The following BAX variants were observed in gnomAD, a reference collection of about 807,000 sequenced individuals.
BAX encodes the protein BCL2 associated X, apoptosis regulator.
A neutral mutation model predicts 26.8 loss-of-function variants in BAX; 21 were observed. The ratio of observed to expected loss-of-function variants is 0.78; its 90% CI spans 0.56 to 1.13. The LOEUF (loss-of-function observed/expected upper bound fraction) is 1.13. Ranked by LOEUF, BAX falls within the 50% of genes most tolerant of loss-of-function variation. The pLI is 0.00. For missense variants in BAX, 236 were observed against 254.6 expected (o/e 0.93, Z 0.50); for synonymous variants, 110 against 101.8 (o/e 1.08, Z -0.49).
At chr19:48,960,172 T>C (rs2038300479) in intron 4 of BAX, 1 of 429,336 alleles carries the variant, frequency 2.3e-6, no homozygotes, top group Admixed American at 2.6e-5. Context: ...AGTAACATTA[T>C]CTTGTTTACA....
At chr19:48,955,044 G>A in intron 1 of BAX, 82 bp downstream of exon 1, 5 of 1,232,890 alleles carry the variant, frequency 4.1e-6, no homozygotes, top group Non-Finnish European at 5.1e-6. Flanking sequence ...GCCTGGGGCT[G>A]TGCGATCTCC....
chr19:48,955,456 C>G (rs2038086052), intron 1 of BAX, 92 bp from the exon 2 acceptor site: 3 of 1,437,124 alleles, frequency 2.1e-6, no homozygotes, highest in African/African-American at 2.9e-5. Context: ...GTCCCCAGCT[C>G]TGTCCTCCCT....
At chr19:48,961,379 G>A (rs1005832906) in intron 5 of BAX, 153 bp from the exon 6 acceptor site, 5 of 1,203,212 alleles carry the variant, frequency 4.2e-6, no homozygotes, top group Non-Finnish European at 5.7e-6. Flanking sequence ...GAGCCACCAT[G>A]CCTGGCCTGA....
intron 3 of BAX, 112 bp downstream of exon 3, chr19:48,955,945 C>T (rs2038111818): frequency 3.7e-6 from 5 of 1,356,004 alleles, no homozygotes; most frequent in Non-Finnish European, 4.9e-6. Context: ...GGCCCCACAA[C>T]TCAGCGCAAA....
chr19:48,961,725 T>A lies in BAX; in HGVS notation c.*89T>A. 3 of 1,052,214 alleles carry A rather than the reference T, an allele frequency of 2.9e-6. No individual in the cohort carries two copies. The highest frequency in any genetic ancestry group is 2.7e-6 in the Non-Finnish European group (2 of 732,686). 65.2% of individuals were successfully genotyped at this position (1,052,214 alleles called of 1,614,324 possible). ...GGGGATTGGGGGACGTGGGCATTTT[T>A]CTTACTTTTGTAATTATTGGGGGGT... is the stretch of plus-strand genomic sequence containing the variant. On this transcript the variant is annotated 3_prime_UTR_variant, in exon 6 of 6. Transcript: ENST00000345358.
intron 4 of BAX, among the ~76,000 whole-genome samples, chr19:48,960,499 G>A (rs1600112340): frequency 6.6e-6 from 1 of 152,208 alleles, no homozygotes. Flanking sequence ...AAGTAGCTGG[G>A]ATTACAGGCA....
In BAX at chr19:48,956,224, C is replaced by A. The variant is rs765725612; in HGVS notation, c.260C>A (p.Ser87Tyr). Reference protein sequence around the residue: ...QRMIAAVDTDSPREVFFRVAA... With the variant: ...QRMIAAVDTDYPREVFFRVAA... ...ATGATTGCCGCCGTGGACACAGACT[C>A]CCCCCGAGAGGTCTTTTTCCGAGTG... is the stretch of plus-strand genomic sequence containing the variant. The change falls in exon 4 of 6, where the codon TCC (serine) becomes TAC (tyrosine). Residue 87 changes from serine to tyrosine, a missense_variant. Physicochemically the swap from Ser to Tyr is moderately radical, Grantham distance 144. Transcript: ENST00000345358. The A allele has an allele frequency of 2.5e-6, 4 of 1,575,904 alleles. No individual in the cohort carries two copies. Among genetic ancestry groups the A allele is most frequent in the East Asian group, 4.8e-5 (2 of 41,956 alleles).
Position 48,955,537 on chromosome 19 carries a change from T to A in BAX, c.35-11T>A. On this transcript the variant is annotated splice_polypyrimidine_tract_variant and intron_variant, in intron 1 of 5. Transcript: ENST00000345358. ...GAGTCCAGGTACCTCTTCCCTTCCT[T>A]TCTCCTCTAGGGCCCACCAGCTCTG... The A allele has an allele frequency of 6.2e-7, 1 of 1,609,498 alleles. No homozygotes were observed. The highest frequency in any genetic ancestry group is 8.5e-7 in the Non-Finnish European group (1 of 1,177,798).
At position 48,961,689 on chromosome 19, in the gene BAX, C is replaced by A; in HGVS notation, c.*53C>A. 7 of 1,373,594 alleles carry A rather than the reference C, an allele frequency of 5.1e-6. No individual in the cohort carries two copies. Among genetic ancestry groups the A allele is most frequent in the East Asian group, 2.6e-5 (1 of 38,300 alleles). The allele number at this position is 1,373,594 out of a possible 1,614,324, so 85.1% of individuals were successfully genotyped here. A position where few individuals can be genotyped will look rare whatever the true frequency, so the allele number is the denominator to read the frequency against. On this transcript the variant is annotated 3_prime_UTR_variant, in exon 6 of 6. Coordinates refer to ENST00000345358, the MANE Select transcript of BAX (RefSeq NM_138761.4). The stretch of plus-strand genomic sequence containing the variant: ...TTCCTCCATAAATTATGGCATTTTT[C>A]TGGGAGGGGTGGGGATTGGGGGACG...
chr19:48,956,323 T>C lies in BAX; in HGVS notation c.359T>C (p.Leu120Pro). 6.4e-7 allele frequency: 1 copy of C among 1,571,346 alleles called. No homozygotes were observed. Among genetic ancestry groups the C allele is most frequent in the South Asian group, 1.2e-5 (1 of 85,910 alleles). ...VVALFYFASK[L>P]VLKALCTKVP... The stretch of plus-strand genomic sequence containing the variant: ...GCCCTTTTCTACTTTGCCAGCAAAC[T>C]GGTGCTCAAGGTGGGCAGCTGCAGG... Residue 120 changes from leucine (L) to proline (P), a missense_variant, in exon 4 of 6, where the codon CTG becomes CCG. By Grantham distance (98) the Leu-to-Pro change is moderately conservative (BLOSUM62 -3). Coordinates refer to ENST00000345358, the MANE Select transcript of BAX (RefSeq NM_138761.4).
chr19:48,960,946 A>AC (rs1294833427), intron 5 of BAX, 32 bp downstream of exon 5: 1 of 1,612,496 alleles, frequency 6.2e-7, no homozygotes, highest in East Asian at 2.2e-5. Context: ...CACCCCCACC[A>AC]CCGCGCCCTC....
intron 5 of BAX, chr19:48,961,151 G>A: frequency 6.5e-7 from 1 of 1,538,394 alleles, no homozygotes; most frequent in Non-Finnish European, 8.7e-7. Context: ...TGACCTCACT[G>A]TGACCTTGAC....
At chr19:48,955,664 C>A in intron 2 of BAX, 23 bp from the exon 3 acceptor site, 1 of 1,611,894 alleles carries the variant, frequency 6.2e-7, no homozygotes, top group Non-Finnish European at 8.5e-7. Flanking sequence ...TGATTCTGCA[C>A]CCTCACTCCA....
Position 48,954,881 on chromosome 19 carries a change from C to A in BAX, c.-48C>A. ...GCTCTCACGTGACCCGGGCGCGCTGCGGCCGCCCGCGCGGACCCGGCGAGA... is the reference window on the plus strand; with the variant it reads ...GCTCTCACGTGACCCGGGCGCGCTGAGGCCGCCCGCGCGGACCCGGCGAGA... On this transcript the variant is annotated 5_prime_UTR_variant, in exon 1 of 6. Transcript: ENST00000345358. 1 of 1,222,328 alleles carries A rather than the reference C, an allele frequency of 8.2e-7. No homozygotes were observed. Among genetic ancestry groups the A allele is most frequent in the Non-Finnish European group, 1.0e-6 (1 of 980,690 alleles). 75.7% of individuals were successfully genotyped at this position (1,222,328 alleles called of 1,614,324 possible). A position where few individuals can be genotyped will look rare whatever the true frequency, so the allele number is the denominator to read the frequency against.
chr19:48,960,213 A>G (rs1283232543), intron 4 of BAX: 2 of 444,874 alleles, frequency 4.5e-6, no homozygotes, highest in Non-Finnish European at 9.0e-6. Flanking sequence ...TTATTTTTTG[A>G]GACGGATTCT....
chr19:48,961,694 A>C lies in BAX; in HGVS notation c.*58A>C. 3 of 838,948 alleles carry C rather than the reference A, an allele frequency of 3.6e-6. No homozygotes were observed. Among genetic ancestry groups the C allele is most frequent in the South Asian group, 1.7e-5 (1 of 60,376 alleles). 52.0% of individuals were successfully genotyped at this position (838,948 alleles called of 1,614,324 possible). A position where few individuals can be genotyped will look rare whatever the true frequency, so the allele number is the denominator to read the frequency against. On this transcript the variant is annotated 3_prime_UTR_variant, in exon 6 of 6. Transcript: ENST00000345358. ...CCATAAATTATGGCATTTTTCTGGGAGGGGTGGGGATTGGGGGACGTGGGC... is the reference window on the plus strand; with the variant it reads ...CCATAAATTATGGCATTTTTCTGGGCGGGGTGGGGATTGGGGGACGTGGGC...
chr19:48,956,064 C>T lies in BAX; in HGVS notation c.234-134C>T, dbSNP rs1445265717. 1.7e-5 allele frequency: 21 copies of T among 1,258,052 alleles called. No homozygotes were observed. The East Asian group carries it at 4.4e-4, about 26-fold the overall frequency. The allele number at this position is 1,258,052 out of a possible 1,614,324, so 77.9% of individuals were successfully genotyped here. On this transcript the variant is annotated intron_variant, in intron 3 of 5. Transcript: ENST00000345358. ...TGTCTTGTCCCCTTCCCTTGTCCCC[C>T]GTTGGCCTGTTGCTTTTCATTTCAG...
rs140986746 is a variant in BAX at position 48,955,582 on chromosome 19, G to A, written c.69G>A (p.Gly23=). 1,433 of 1,613,856 alleles carry A rather than the reference G, an allele frequency of 8.9e-4. 5 individuals carry two copies. The highest frequency in any genetic ancestry group is 1.5e-3 in the Admixed American group (92 of 59,990). The change falls in exon 2 of 6, where the codon GGG becomes GGA. Residue 23 remains glycine, a synonymous_variant. Transcript: ENST00000345358. ...GCTCTGAGCAGATCATGAAGACAGG[G>A]GCCCTTTTGCTTCAGGGGTGAGTTT... ...PTSSEQIMKT[G]ALLLQGFIQD... is the part of the protein sequence containing the mutation.
In BAX at chr19:48,955,709, C is replaced by G. The variant is rs766476607; in HGVS notation, c.109C>G (p.Arg37Gly). Residue 37 changes from arginine to glycine, a missense_variant, in exon 3 of 6, where the codon CGA (arginine) becomes GGA (glycine). Arg to Gly is a moderately radical substitution (Grantham distance 125). Coordinates refer to ENST00000345358, the MANE Select transcript of BAX (RefSeq NM_138761.4). ...LQGFIQDRAG[R>G]MGGEAPELAL... Reference sequence around the variant, plus strand: ...TAGTTTCATCCAGGATCGAGCAGGGCGAATGGGGGGGGAGGCACCCGAGCT... The same window carrying G: ...TAGTTTCATCCAGGATCGAGCAGGGGGAATGGGGGGGGAGGCACCCGAGCT... 6.2e-7 allele frequency: 1 copy of G among 1,612,334 alleles called. No individual in the cohort carries two copies. Among genetic ancestry groups the G allele is most frequent in the East Asian group, 2.2e-5 (1 of 44,846 alleles).
Sources: allele counts gnomAD v4.1 joint callset (sites outside exome capture counted in the v4.1 genomes callset), GRCh38; gene constraint gnomAD v4.1.1; transcripts MANE v1.5; gene names NCBI Gene and HGNC (gene_info 2026-07-23, HGNC 2026-07-21).